RBBP9: variants seen among roughly 807,000 people sequenced by gnomAD.
The protein encoded by RBBP9 is RB binding protein 9, serine hydrolase, also known as serine hydrolase RBBP9.
A neutral mutation model predicts 24.2 loss-of-function variants in RBBP9; 20 were observed. The ratio of observed to expected loss-of-function variants is 0.83; its 90% CI spans 0.58 to 1.20. The LOEUF (loss-of-function observed/expected upper bound fraction) is 1.20. Among genes scored for constraint, RBBP9 ranks in the 50% most tolerant of loss-of-function variants. RBBP9 has a pLI of 0.00. For synonymous variants in RBBP9, 74 were observed against 84.6 expected (o/e 0.87, Z 0.69); for missense variants, 234 against 233.6 (o/e 1.00, Z -0.01).
In RBBP9 at chr20:18,497,198, G is replaced by T; in HGVS notation, c.-31C>A. 1 of 1,571,654 alleles carries T rather than the reference G, an allele frequency of 6.4e-7. No homozygotes were observed. The highest frequency in any genetic ancestry group is 8.7e-7 in the Non-Finnish European group (1 of 1,143,376). On this transcript the variant is annotated 5_prime_UTR_variant, in exon 1 of 5. Transcript: ENST00000337227. ...CAGCGAGGCCAGAGTTCCCCAGCGC[G>T]GGTCCAGCGGAGCTGAGCCCAGCCT...
At chr20:18,495,581 CAATAAATA>C (rs201771597) in intron 2 of RBBP9, among the ~76,000 whole-genome samples, 33,175 of 116,772 alleles carry the variant, frequency 0.28, 4,927 homozygotes, top group Middle Eastern at 0.35. Flanking sequence ...CAAGAATGAT[CAATAAATA>C]AATAAATAAA....
chr20:18,491,243 A>G (rs1485705895), intron 3 of RBBP9, among the ~76,000 whole-genome samples: 4 of 152,262 alleles, frequency 2.6e-5, no homozygotes, highest in African/African-American at 9.6e-5. Context: ...GTATAATACC[A>G]GAAATGTACC....
chr20:18,495,985 A>G (rs2148875180), intron 1 of RBBP9, 105 bp from the exon 2 acceptor site: 1 of 957,602 alleles, frequency 1.0e-6, no homozygotes, highest in Admixed American at 2.8e-5. Context: ...CCAATTCAGT[A>G]TTAACTTGTG....
Position 18,487,090 on chromosome 20 carries a change from C to T in RBBP9, c.*2674G>A, listed in dbSNP as rs923030728. On this transcript the variant is annotated 3_prime_UTR_variant, in exon 5 of 5. Transcript: ENST00000337227. ...ATATATGTCCTAGACCAATGTTGTCCAATAGAGCTTTCTATAATGACGGAA... is the reference window on the plus strand; with the variant it reads ...ATATATGTCCTAGACCAATGTTGTCTAATAGAGCTTTCTATAATGACGGAA... The T allele has an allele frequency of 5.9e-5, 9 of 152,168 alleles. No individual in the cohort carries two copies. The highest frequency in any genetic ancestry group is 2.2e-4 in the African/African-American group (9 of 41,432). The allele number at this position is 152,168 out of a possible 1,614,324, so 9.4% of individuals were successfully genotyped here.
intron 4 of RBBP9, 86 bp from the exon 5 acceptor site, chr20:18,490,076 G>A: frequency 4.2e-6 from 4 of 943,378 alleles, no homozygotes; most frequent in African/African-American, 1.7e-5. Context: ...GACCCACATA[G>A]AGACGCAAAG....
rs35822681 is a variant in RBBP9 at position 18,488,971 on chromosome 20, G to GTGTGTGTGTGTGTGTGTA, written c.*792_*793insTACACACACACACACACA. On this transcript the variant is annotated 3_prime_UTR_variant, in exon 5 of 5. Transcript: ENST00000337227. ...TATGTGTATGTGTGTGTGTGTGTGT[G>GTGTGTGTGTGTGTGTGTA]TATATATATATATATTTGCATTCCC... 1 of 148,702 alleles carries GTGTGTGTGTGTGTGTGTA rather than the reference G, an allele frequency of 6.7e-6. No individual in the cohort carries two copies. The highest frequency in any genetic ancestry group is 1.5e-5 in the Non-Finnish European group (1 of 67,190). 9.2% of individuals were successfully genotyped at this position (148,702 alleles called of 1,614,324 possible).
intron 3 of RBBP9, among the ~76,000 whole-genome samples, chr20:18,492,398 T>C (rs6075348): frequency 0.69 from 104,442 of 152,016 alleles, 37,098 homozygotes; most frequent in Non-Finnish European, 0.79. Flanking sequence ...GACATTAACA[T>C]TGTTTAAGAG....
rs566726334 is a variant in RBBP9, at chr20:18,496,002, A to T, written c.100-122T>A. 1.2e-4 allele frequency: 98 copies of T among 843,038 alleles called. No individual in the cohort carries two copies. The African/African-American group carries it at 1.6e-3, about 14-fold the overall frequency. 52.2% of individuals were successfully genotyped at this position (843,038 alleles called of 1,614,324 possible). ...AATTCAGTATTAACTTGTGTTATGA[A>T]ATGAAGTAGGTTAAGTGACCATCTT... is the stretch of plus-strand genomic sequence containing the variant. On this transcript the variant is annotated intron_variant, in intron 1 of 4. Coordinates refer to ENST00000337227, the MANE Select transcript of RBBP9 (RefSeq NM_006606.3).
intron 3 of RBBP9, among the ~76,000 whole-genome samples, chr20:18,492,241 A>T (rs1026976758): frequency 6.6e-6 from 1 of 152,144 alleles, no homozygotes; most frequent in Non-Finnish European, 1.5e-5. Flanking sequence ...TCACATTGAT[A>T]CAGCAATATT....
chr20:18,487,618 A>C lies in RBBP9; in HGVS notation c.*2146T>G, dbSNP rs2059848882. ...TCTTAATTATTTTTGATTATAAAAT[A>C]CATGCTTAGTGTAACAAATTCAAAT... On this transcript the variant is annotated 3_prime_UTR_variant, in exon 5 of 5. Coordinates refer to ENST00000337227, the MANE Select transcript of RBBP9 (RefSeq NM_006606.3). The C allele has an allele frequency of 6.6e-6, 1 of 152,218 alleles. No homozygotes were observed. Among genetic ancestry groups the C allele is most frequent in the Non-Finnish European group, 1.5e-5 (1 of 68,048 alleles). 9.4% of individuals were successfully genotyped at this position (152,218 alleles called of 1,614,324 possible).
At chr20:18,493,582 C>G (rs146309782) in intron 3 of RBBP9, among the ~76,000 whole-genome samples, 2 of 151,964 alleles carry the variant, frequency 1.3e-5, no homozygotes, top group African/African-American at 2.4e-5. Context: ...CCAGAGTATC[C>G]CAGGTAGAAG....
chr20:18,488,134 T>C lies in RBBP9; in HGVS notation c.*1630A>G, dbSNP rs1158130033. On this transcript the variant is annotated 3_prime_UTR_variant, in exon 5 of 5. Coordinates refer to ENST00000337227, the MANE Select transcript of RBBP9 (RefSeq NM_006606.3). The stretch of plus-strand genomic sequence containing the variant: ...CCTTTAGGTATGAAGTGTAGGAAAT[T>C]GTATTTCTGCAGCAAACTTAGGCTT... The C allele has an allele frequency of 6.6e-6, 1 of 152,140 alleles. No individual in the cohort carries two copies. The highest frequency in any genetic ancestry group is 1.5e-5 in the Non-Finnish European group (1 of 68,030). The allele number at this position is 152,140 out of a possible 1,614,324, so 9.4% of individuals were successfully genotyped here. A position where few individuals can be genotyped will look rare whatever the true frequency, so the allele number is the denominator to read the frequency against.
intron 3 of RBBP9, among the ~76,000 whole-genome samples, chr20:18,491,985 T>C (rs1045205411): frequency 2.0e-5 from 3 of 150,552 alleles, no homozygotes; most frequent in Admixed American, 6.7e-5. Flanking sequence ...TAGTCTCAGC[T>C]ACTCGGGAGG....
In RBBP9 at chr20:18,493,309, C is replaced by T. The variant is rs570177643; in HGVS notation, c.248+649G>A. The stretch of plus-strand genomic sequence containing the variant: ...CAGACACAATCTACCATATGCCAGG[C>T]TCTCTTCTAGGCAATGGGGTTTCAG... On this transcript the variant is annotated intron_variant, in intron 3 of 4. Transcript: ENST00000337227. Among the ~76,000 whole-genome samples the T allele has an allele frequency of 5.9e-5, 9 of 152,292 alleles. No individual in the cohort carries two copies. In the East Asian group the frequency reaches 1.2e-3, roughly 20 times the overall value.
chr20:18,490,083 A>C (rs761600601), intron 4 of RBBP9, 93 bp from the exon 5 acceptor site: 5 of 857,354 alleles, frequency 5.8e-6, no homozygotes, highest in Non-Finnish European at 9.0e-6. Flanking sequence ...ATAGAGACGC[A>C]AAGGAGCAGA....
chr20:18,491,736 G>T (rs2059866425), intron 3 of RBBP9, among the ~76,000 whole-genome samples: 1 of 152,112 alleles, frequency 6.6e-6, no homozygotes, highest in African/African-American at 2.4e-5. Context: ...TTGGTATTTT[G>T]TTCTTGGGCC....
chr20:18,487,564 T>C lies in RBBP9; in HGVS notation c.*2200A>G, dbSNP rs1385437483. 1.3e-5 allele frequency: 2 copies of C among 152,230 alleles called. No homozygotes were observed. Among genetic ancestry groups the C allele is most frequent in the African/African-American group, 4.8e-5 (2 of 41,446 alleles). The allele number at this position is 152,230 out of a possible 1,614,324, so 9.4% of individuals were successfully genotyped here. A position where few individuals can be genotyped will look rare whatever the true frequency, so the allele number is the denominator to read the frequency against. ...TATTCAACTGATTTATATAATTTGC[T>C]TTTTAGTAGTCAAATACATTGTTTT... On this transcript the variant is annotated 3_prime_UTR_variant, in exon 5 of 5. Coordinates refer to ENST00000337227, the MANE Select transcript of RBBP9 (RefSeq NM_006606.3).
At chr20:18,490,045 T>G in intron 4 of RBBP9, 55 bp from the exon 5 acceptor site, 1 of 1,279,616 alleles carries the variant, frequency 7.8e-7, no homozygotes, top group South Asian at 1.4e-5. Flanking sequence ...CCCTTCTAGA[T>G]ATTCTAAAAT....
At chr20:18,494,871 A>C (rs2059879485) in intron 2 of RBBP9, among the ~76,000 whole-genome samples, 1 of 152,222 alleles carries the variant, frequency 6.6e-6, no homozygotes, top group Non-Finnish European at 1.5e-5. Flanking sequence ...AGTACCCACA[A>C]ATTCTGCCTG....
Sources: gnomAD v4.1 joint callset for allele counts (sites outside exome capture counted in the v4.1 genomes callset) on GRCh38, gnomAD v4.1.1 for gene constraint, MANE v1.5 for transcripts, NCBI Gene and HGNC (gene_info 2026-07-23, HGNC 2026-07-21) for gene names.